The following OSBPL3 variants were observed in gnomAD, a reference collection of about 807,000 sequenced individuals.
OSBPL3 encodes the protein oxysterol-binding protein-related protein 3.
In OSBPL3, 65 loss-of-function variants were observed where a neutral mutation model predicts 120.1. The observed-to-expected ratio is 0.54, with a 90% CI of 0.44 to 0.67. OSBPL3 has a LOEUF of 0.67. Among genes scored for constraint, OSBPL3 ranks in the 30% least tolerant of loss-of-function variants. The probability of loss-of-function intolerance (pLI) is 0.00; values close to 1 mark genes in which losing one functional copy is unlikely to be tolerated. For missense variants in OSBPL3, 1,004 were observed against 1,082.1 expected (o/e 0.93, Z 1.01); for synonymous variants, 416 against 402.6 (o/e 1.03, Z -0.40).
chr7:24,810,024 G>GA, intron 19 of OSBPL3, 73 bp from the exon 20 acceptor site: 1 of 1,541,488 alleles, frequency 6.5e-7, no homozygotes, highest in Non-Finnish European at 8.9e-7. Flanking sequence ...AAGAAAAAAG[G>GA]AAAAGCTAGA....
chr7:24,931,243 G>A (rs78258681), intron 1 of OSBPL3, among the ~76,000 whole-genome samples: 95 of 152,298 alleles, frequency 6.2e-4, no homozygotes, highest in African/African-American at 2.0e-3. Flanking sequence ...AGAACTATAG[G>A]TGAAAAGAGA....
chr7:24,881,719 T>G lies in OSBPL3; in HGVS notation c.97-9650A>C, dbSNP rs1468581071. On this transcript the variant is annotated intron_variant, in intron 2 of 22. Transcript: ENST00000313367. This position sits in a 1 kb window ranked among gnomAD's most constrained non-coding sequence, Gnocchi z 4.3. The stretch of plus-strand genomic sequence containing the variant: ...TGAGCAGTCACAAACTTTGGTGGCT[T>G]AAATAAACAGATATTTATTCTCTAG... Among the ~76,000 whole-genome samples the G allele has an allele frequency of 6.6e-6, 1 of 152,196 alleles. No homozygotes were observed. The highest frequency in any genetic ancestry group is 1.5e-5 in the Non-Finnish European group (1 of 68,030).
At chr7:24,816,343 A>C (rs538633124) in intron 18 of OSBPL3, among the ~76,000 whole-genome samples, 11 of 152,228 alleles carry the variant, frequency 7.2e-5, no homozygotes, top group Admixed American at 6.5e-4. Context: ...CACCATTCTT[A>C]ATCTTGTTAG....
rs1418126448 is a variant in OSBPL3 at position 24,965,766 on chromosome 7, G to GT, written c.-150+14119dup. Among the ~76,000 whole-genome samples, 2 of 152,108 alleles carry GT rather than the reference G, an allele frequency of 1.3e-5. No homozygotes were observed. Among genetic ancestry groups the GT allele is most frequent in the East Asian group, 3.8e-4 (2 of 5,196 alleles). ...GAGTCTCAGTATTCTAACCAGGCTG[G>GT]TTTTGAACTCCTAACCTCAAGCAAT... On this transcript the variant is annotated intron_variant, in intron 1 of 22. Coordinates refer to ENST00000313367, the MANE Select transcript of OSBPL3 (RefSeq NM_015550.4). The surrounding 1 kb of genome is among the most constrained non-coding windows in gnomAD (Gnocchi z 4.3).
rs562275055 is a variant in OSBPL3 at position 24,846,996 on chromosome 7, C to T, written c.1266+2073G>A. 2.0e-5 allele frequency among the ~76,000 whole-genome samples: 3 copies of T among 147,408 alleles called. No homozygotes were observed. The East Asian group carries it at 6.0e-4, about 30-fold the overall frequency. On this transcript the variant is annotated intron_variant, in intron 12 of 22. Coordinates refer to ENST00000313367, the MANE Select transcript of OSBPL3 (RefSeq NM_015550.4). ...AATGGCGTGAACCCGGGAGGCGGAG[C>T]TGGCAGTGAGCCGAAAAGGTGCCAC...
At chr7:24,864,357 G>A (rs1010411392) in intron 7 of OSBPL3, among the ~76,000 whole-genome samples, 3 of 152,174 alleles carry the variant, frequency 2.0e-5, no homozygotes, top group African/African-American at 4.8e-5. Flanking sequence ...ACCACAGCTC[G>A]TTGGGCTCCA....
chr7:24,866,085 G>C lies in OSBPL3; in HGVS notation c.534C>G (p.Ser178=), dbSNP rs376324962. The change falls in exon 6 of 23, where the codon TCC becomes TCG. Residue 178 remains serine (S), a synonymous_variant. Coordinates refer to ENST00000313367, the MANE Select transcript of OSBPL3 (RefSeq NM_015550.4). The part of the protein sequence containing the change: ...ITDSSSGVFD[S]ISSRKRSSIS... Reference sequence around the variant, plus strand: ...CACTCATTACCTTCCTACTTGAAATGGAGTCAAACACCCCAGATGAAGAGT... The same window carrying C: ...CACTCATTACCTTCCTACTTGAAATCGAGTCAAACACCCCAGATGAAGAGT... The C allele has an allele frequency of 6.2e-7, 1 of 1,613,294 alleles. No individual in the cohort carries two copies. Among genetic ancestry groups the C allele is most frequent in the Non-Finnish European group, 8.5e-7 (1 of 1,179,456 alleles).
At position 24,820,106 on chromosome 7, in the gene OSBPL3, A is replaced by C; in HGVS notation, c.1948+69T>G. The C allele has an allele frequency of 8.5e-7, 1 of 1,173,936 alleles. No individual in the cohort carries two copies. Among genetic ancestry groups the C allele is most frequent in the Admixed American group, 1.9e-5 (1 of 53,136 alleles). 72.7% of individuals were successfully genotyped at this position (1,173,936 alleles called of 1,614,324 possible). A position where few individuals can be genotyped will look rare whatever the true frequency, so the allele number is the denominator to read the frequency against. ...TTGATCTCAGTAAGAATTGACAGCA[A>C]TTCTTGGATAAAATAAATAGATAAC... On this transcript the variant is annotated intron_variant, in intron 17 of 22. Transcript: ENST00000313367. The surrounding 1 kb of genome is among the most constrained non-coding windows in gnomAD (Gnocchi z 4.6).
At chr7:24,949,240 T>C (rs770147149) in intron 1 of OSBPL3, among the ~76,000 whole-genome samples, 38 of 152,320 alleles carry the variant, frequency 2.5e-4, no homozygotes, top group Non-Finnish European at 4.4e-4. Context: ...TAATATGACA[T>C]ACAGACCTAC....
chr7:24,812,304 CAAAAAAAAAA>C (rs57963279), intron 19 of OSBPL3, among the ~76,000 whole-genome samples: 1 of 97,048 alleles, frequency 1.0e-5, no homozygotes, highest in Non-Finnish European at 2.1e-5. Context: ...GACTCCATCT[CAAAAAAAAAA>C]AAAAAAAAAA....
chr7:24,868,432 C>T (rs1801663847), intron 5 of OSBPL3, among the ~76,000 whole-genome samples: 1 of 142,752 alleles, frequency 7.0e-6, no homozygotes. Flanking sequence ...TGATAGATAC[C>T]CACATATTAG....
chr7:24,801,387 C>T (rs769656494), intron 22 of OSBPL3, among the ~76,000 whole-genome samples: 7 of 151,900 alleles, frequency 4.6e-5, no homozygotes, highest in Admixed American at 3.9e-4. Context: ...AAGTTTTTAT[C>T]TTCCCCCTCT....
chr7:24,948,076 G>C (rs1248850592), intron 1 of OSBPL3, among the ~76,000 whole-genome samples: 1 of 152,120 alleles, frequency 6.6e-6, no homozygotes, highest in Non-Finnish European at 1.5e-5. Context: ...GAAATCCCTT[G>C]AGCTGGAGCT....
intron 2 of OSBPL3, among the ~76,000 whole-genome samples, chr7:24,886,098 T>C (rs1485393258): frequency 6.6e-6 from 1 of 152,166 alleles, no homozygotes; most frequent in Non-Finnish European, 1.5e-5. Flanking sequence ...CAACTGCATG[T>C]TTATTCATTC....
Position 24,854,638 on chromosome 7 carries a change from T to C in OSBPL3, c.1028-2004A>G, listed in dbSNP as rs531402261. On this transcript the variant is annotated intron_variant, in intron 10 of 22. Coordinates refer to ENST00000313367, the MANE Select transcript of OSBPL3 (RefSeq NM_015550.4). The surrounding 1 kb of genome is among the most constrained non-coding windows in gnomAD (Gnocchi z 4.1). The stretch of plus-strand genomic sequence containing the variant: ...ATGAAACACACTTAGCTCCTTGCTT[T>C]AAACAATTTAATTGAGCAAAATAAT... 8.5e-5 allele frequency among the ~76,000 whole-genome samples: 13 copies of C among 152,220 alleles called. No homozygotes were observed. Among genetic ancestry groups the C allele is most frequent in the African/African-American group, 2.9e-4 (12 of 41,524 alleles).
rs1355364186 is a variant in OSBPL3 at position 24,939,548 on chromosome 7, A to C, written c.-150+40338T>G. On this transcript the variant is annotated intron_variant, in intron 1 of 22. Coordinates refer to ENST00000313367, the MANE Select transcript of OSBPL3 (RefSeq NM_015550.4). The surrounding 1 kb of genome is among the most constrained non-coding windows in gnomAD (Gnocchi z 4.2). ...GCATGTTTTAAAAAATTAAACACGC[A>C]GGAAGAAAAGACTAAAGAAACTGGG... Among the ~76,000 whole-genome samples, 1 of 152,264 alleles carries C rather than the reference A, an allele frequency of 6.6e-6. No individual in the cohort carries two copies. The highest frequency in any genetic ancestry group is 2.4e-5 in the African/African-American group (1 of 41,474).
intron 1 of OSBPL3, among the ~76,000 whole-genome samples, chr7:24,976,106 T>C (rs550277295): frequency 2.8e-4 from 42 of 152,202 alleles, no homozygotes; most frequent in Non-Finnish European, 5.0e-4. Context: ...ATCCACCATA[T>C]GTTAGTTGCA....
In OSBPL3 at chr7:24,821,802, G is replaced by C. The variant is rs1795161380; in HGVS notation, c.1885-1564C>G. Among the ~76,000 whole-genome samples, 1 of 152,186 alleles carries C rather than the reference G, an allele frequency of 6.6e-6. No homozygotes were observed. The highest frequency in any genetic ancestry group is 2.1e-4 in the South Asian group (1 of 4,826). On this transcript the variant is annotated intron_variant, in intron 16 of 22. Transcript: ENST00000313367. This position sits in a 1 kb window ranked among gnomAD's most constrained non-coding sequence, Gnocchi z 5.5. ...CCTTCTGTGCCTGTGGGATTTTCAA[G>C]GGCAACTTTCACTTCAAGCACTGAC...
chr7:24,864,440 G>A (rs749392626), intron 7 of OSBPL3, among the ~76,000 whole-genome samples: 10 of 152,174 alleles, frequency 6.6e-5, no homozygotes, highest in Non-Finnish European at 1.3e-4. Context: ...CCGGGTGGAC[G>A]CTGCTGCTCC....
Sources: gnomAD v4.1 joint callset for allele counts (sites outside exome capture counted in the v4.1 genomes callset) on GRCh38, gnomAD v4.1.1 for gene constraint, Gnocchi (gnomAD v3.1) non-coding constraint, MANE v1.5 for transcripts, NCBI Gene and HGNC (gene_info 2026-07-23, HGNC 2026-07-21) for gene names.